PPARGC1A: variants seen among roughly 807,000 people sequenced by gnomAD.
PPARGC1A encodes peroxisome proliferator-activated receptor gamma coactivator 1-alpha.
PPARGC1A carries 25 observed loss-of-function variants against 88.7 expected under a neutral mutation model. The ratio of observed to expected loss-of-function variants is 0.28; its 90% CI spans 0.21 to 0.39. The LOEUF is 0.39. Among genes scored for constraint, PPARGC1A ranks in the 10% least tolerant of loss-of-function variants. The pLI, the probability that PPARGC1A is intolerant of heterozygous loss-of-function variation, is 1.00. For missense variants in PPARGC1A, 880 were observed against 968.7 expected (o/e 0.91, Z 1.22); for synonymous variants, 363 against 355.6 (o/e 1.02, Z -0.24).
chr4:24,117,112 G>A, the PPARGC1A span, among the ~76,000 whole-genome samples: 1 of 151,708 alleles, frequency 6.6e-6, no homozygotes, highest in East Asian at 1.9e-4. Flanking sequence ...CATTTGTACT[G>A]AGCAAGGGAA....
the PPARGC1A span, among the ~76,000 whole-genome samples, chr4:24,068,431 T>C: frequency 6.6e-6 from 1 of 152,304 alleles, no homozygotes; most frequent in East Asian, 1.9e-4. Context: ...CCCTAGGTGC[T>C]ATGCTAGGTG....
the PPARGC1A span, among the ~76,000 whole-genome samples, chr4:24,211,035 T>C: frequency 6.6e-6 from 1 of 152,200 alleles, no homozygotes; most frequent in African/African-American, 2.4e-5. Flanking sequence ...ATTCTTTGAA[T>C]TGCAGTTGCT....
intron 1 of PPARGC1A, among the ~76,000 whole-genome samples, chr4:23,897,947 G>T (rs928103197): frequency 6.6e-6 from 1 of 152,188 alleles, no homozygotes; most frequent in African/African-American, 2.4e-5. Context: ...CACAACTGAT[G>T]TGGTAGTCAT....
the PPARGC1A span, among the ~76,000 whole-genome samples, chr4:24,339,221 TATATATATATATATATACAC>T: frequency 9.0e-5 from 5 of 55,264 alleles, no homozygotes; most frequent in East Asian, 7.5e-4. Flanking sequence ...TGTATATATA[TATATATATATATATATACAC>T]ACACACACAC....
At chr4:23,921,377 A>G in the PPARGC1A span, among the ~76,000 whole-genome samples, 2 of 152,234 alleles carry the variant, frequency 1.3e-5, no homozygotes, top group Middle Eastern at 6.3e-3. Flanking sequence ...AGAGAAATGC[A>G]TGTGGGTGAA....
At position 23,889,453 on chromosome 4, in the gene PPARGC1A, A is replaced by G. The variant is rs189873014; in HGVS notation, c.54+451T>C. 3.5e-4 allele frequency: 293 copies of G among 832,380 alleles called. No individual in the cohort carries two copies. In the African/African-American group the frequency reaches 5.0e-3, roughly 14 times the overall value. 51.6% of individuals were successfully genotyped at this position (832,380 alleles called of 1,614,324 possible). A position where few individuals can be genotyped will look rare whatever the true frequency, so the allele number is the denominator to read the frequency against. ...TCTGATGAACAGAGAGAGAGGGGGGAAAAATCCGGACTAGAGTCAAAACGG... is the reference window on the plus strand; with the variant it reads ...TCTGATGAACAGAGAGAGAGGGGGGGAAAATCCGGACTAGAGTCAAAACGG... On this transcript the variant is annotated intron_variant, in intron 1 of 12. Transcript: ENST00000264867.
chr4:24,053,151 G>A, the PPARGC1A span, among the ~76,000 whole-genome samples: 1 of 151,622 alleles, frequency 6.6e-6, no homozygotes, highest in Non-Finnish European at 1.5e-5. Flanking sequence ...GATTACAGGC[G>A]TGAGCCACTG....
the PPARGC1A span, among the ~76,000 whole-genome samples, chr4:23,961,502 C>G: frequency 6.6e-6 from 1 of 152,270 alleles, no homozygotes; most frequent in Admixed American, 6.5e-5. Flanking sequence ...TAAACAGTGA[C>G]AACATGTGTG....
At chr4:23,949,725 C>A in the PPARGC1A span, among the ~76,000 whole-genome samples, 1 of 152,120 alleles carries the variant, frequency 6.6e-6, no homozygotes, top group African/African-American at 2.4e-5. Flanking sequence ...TTCAATGACA[C>A]AGCCTGATGT....
chr4:24,401,015 C>CTTTTTT, the PPARGC1A span, among the ~76,000 whole-genome samples: 92 of 99,818 alleles, frequency 9.2e-4, 1 homozygote, highest in South Asian at 1.1e-3. Flanking sequence ...CCTGAATTTT[C>CTTTTTT]TTTTTTTTTT....
At chr4:24,429,224 C>T in the PPARGC1A span, among the ~76,000 whole-genome samples, 4,363 of 152,130 alleles carry the variant, frequency 0.029, 99 homozygotes, top group South Asian at 0.087. Context: ...TTTTTCTGTG[C>T]TGTGTATACA....
At chr4:24,145,740 T>G in the PPARGC1A span, among the ~76,000 whole-genome samples, 3 of 152,200 alleles carry the variant, frequency 2.0e-5, no homozygotes, top group African/African-American at 7.2e-5. Flanking sequence ...GCAGGATAAT[T>G]CCAGACGCAT....
At chr4:24,174,791 G>A in the PPARGC1A span, among the ~76,000 whole-genome samples, 6 of 152,140 alleles carry the variant, frequency 3.9e-5, no homozygotes, top group Non-Finnish European at 8.8e-5. Context: ...GATGATCCAG[G>A]CAGCCATGTG....
intron 2 of PPARGC1A, among the ~76,000 whole-genome samples, chr4:23,878,158 G>A (rs1243656374): frequency 6.6e-6 from 1 of 152,064 alleles, no homozygotes; most frequent in Admixed American, 6.6e-5. Flanking sequence ...CGGGAGGTTG[G>A]AAAAACCTAC....
chr4:24,113,542 T>C, the PPARGC1A span, among the ~76,000 whole-genome samples: 124 of 152,292 alleles, frequency 8.1e-4, no homozygotes, highest in Non-Finnish European at 1.6e-3. Flanking sequence ...TCCCTCTTCA[T>C]GCCCTAGTCC....
chr4:24,289,494 C>T, the PPARGC1A span, among the ~76,000 whole-genome samples: 2 of 152,172 alleles, frequency 1.3e-5, no homozygotes, highest in African/African-American at 4.8e-5. Flanking sequence ...TCGACACTTC[C>T]CCTCATGGGA....
the PPARGC1A span, among the ~76,000 whole-genome samples, chr4:24,150,450 G>A: frequency 2.0e-5 from 3 of 152,026 alleles, no homozygotes; most frequent in Non-Finnish European, 4.4e-5. Context: ...ATTAAACAAC[G>A]TTCAGAAAAA....
At chr4:23,838,794 A>G (rs945235756) in intron 2 of PPARGC1A, among the ~76,000 whole-genome samples, 3 of 152,316 alleles carry the variant, frequency 2.0e-5, no homozygotes, top group African/African-American at 4.8e-5. Context: ...ATGTCTGTCC[A>G]TATCACACCC....
the PPARGC1A span, among the ~76,000 whole-genome samples, chr4:24,289,699 G>T: frequency 6.6e-6 from 1 of 152,102 alleles, no homozygotes; most frequent in Non-Finnish European, 1.5e-5. Flanking sequence ...ACATCATCAG[G>T]AGATCTCTCC....
Sources: gnomAD v4.1 joint callset for allele counts (sites outside exome capture counted in the v4.1 genomes callset) on GRCh38, gnomAD v4.1.1 for gene constraint, MANE v1.5 for transcripts, NCBI Gene and HGNC (gene_info 2026-07-23, HGNC 2026-07-21) for gene names.